PLOD2: variants seen among roughly 807,000 people sequenced by gnomAD.
PLOD2 encodes the protein procollagen-lysine,2-oxoglutarate 5-dioxygenase 2.
PLOD2 carries 65 observed loss-of-function variants against 101.0 expected under a neutral mutation model. The ratio of observed to expected loss-of-function variants is 0.64; its 90% CI spans 0.53 to 0.79. The LOEUF is 0.79. Ranked by LOEUF, PLOD2 falls within the 30% of genes least tolerant of loss-of-function variation. The pLI is 0.00. For missense variants in PLOD2, 909 were observed against 914.6 expected, an observed-to-expected ratio of 0.99 and a Z score of 0.08; for synonymous variants, 314 against 302.9, an observed-to-expected ratio of 1.04 and a Z score of -0.38.
rs183644336 is a variant in PLOD2 at position 146,071,258 on chromosome 3, G to C, written c.1995+19C>G. ...AAAAATGGGTAAGAAATAGGCTGGAGGGGTGAGAGGATAACTACCTTCGTA... is the reference window on the plus strand; with the variant it reads ...AAAAATGGGTAAGAAATAGGCTGGACGGGTGAGAGGATAACTACCTTCGTA... On this transcript the variant is annotated intron_variant, in intron 18 of 19. Transcript: ENST00000282903. 1.4e-4 allele frequency: 221 copies of C among 1,611,670 alleles called. No homozygotes were observed. In the African/African-American group the frequency reaches 2.4e-3, roughly 17 times the overall value.
chr3:146,084,632 A>G (rs943934432), intron 11 of PLOD2, among the ~76,000 whole-genome samples: 1 of 152,110 alleles, frequency 6.6e-6, no homozygotes, highest in African/African-American at 2.4e-5. Context: ...AAACAAACTT[A>G]GTATCATTGT....
At chr3:146,095,361 G>GA (rs139788808) in intron 7 of PLOD2, among the ~76,000 whole-genome samples, 5 of 145,140 alleles carry the variant, frequency 3.4e-5, no homozygotes, top group African/African-American at 1.0e-4. Context: ...AAATTTACAA[G>GA]AAAAAAAAAA....
At chr3:146,157,250 G>A (rs1416854821) in intron 1 of PLOD2, among the ~76,000 whole-genome samples, 3 of 152,174 alleles carry the variant, frequency 2.0e-5, no homozygotes, top group Non-Finnish European at 4.4e-5. Context: ...AAACAACAGT[G>A]TAGATACTGA....
chr3:146,158,990 T>TAC (rs1327244095), intron 1 of PLOD2, among the ~76,000 whole-genome samples: 22 of 152,184 alleles, frequency 1.4e-4, no homozygotes, highest in Non-Finnish European at 7.4e-5. Context: ...AGTTGAAACT[T>TAC]GTAAAGAATA....
intron 4 of PLOD2, among the ~76,000 whole-genome samples, chr3:146,107,216 T>C (rs1431317549): frequency 2.6e-5 from 4 of 152,244 alleles, no homozygotes; most frequent in East Asian, 1.9e-4. Context: ...TTATTGTGCC[T>C]GCTAAACCAT....
At chr3:146,129,421 G>C (rs2030772931) in intron 1 of PLOD2, among the ~76,000 whole-genome samples, 1 of 152,160 alleles carries the variant, frequency 6.6e-6, no homozygotes, top group South Asian at 2.1e-4. Flanking sequence ...TATCCATATA[G>C]TTGGCCATAT....
intron 1 of PLOD2, among the ~76,000 whole-genome samples, chr3:146,160,133 AG>A (rs1365372663): frequency 6.6e-6 from 1 of 152,252 alleles, no homozygotes; most frequent in Non-Finnish European, 1.5e-5. Context: ...GAAAACTCCA[AG>A]GATTTTTCAT....
intron 7 of PLOD2, among the ~76,000 whole-genome samples, chr3:146,098,500 G>A (rs1937279796): frequency 6.6e-6 from 1 of 151,808 alleles, no homozygotes; most frequent in Non-Finnish European, 1.5e-5. Flanking sequence ...TGAAAACAAA[G>A]GAAAATATAA....
At chr3:146,130,443 C>T (rs2030843309) in intron 1 of PLOD2, among the ~76,000 whole-genome samples, 1 of 152,082 alleles carries the variant, frequency 6.6e-6, no homozygotes, top group African/African-American at 2.4e-5. Flanking sequence ...TCTCTCTCTC[C>T]AATGAGACTG....
intron 1 of PLOD2, among the ~76,000 whole-genome samples, chr3:146,141,723 A>C (rs1197175546): frequency 1.3e-5 from 2 of 152,076 alleles, no homozygotes; most frequent in Non-Finnish European, 2.9e-5. Context: ...TCACTCAATA[A>C]ACATTTTTGG....
At chr3:146,084,050 C>T (rs182496136) in intron 11 of PLOD2, among the ~76,000 whole-genome samples, 1 of 152,004 alleles carries the variant, frequency 6.6e-6, no homozygotes, top group Admixed American at 6.6e-5. Context: ...ATGGGCATTA[C>T]ACACTATAGC....
At chr3:146,136,506 T>G (rs937359209) in intron 1 of PLOD2, among the ~76,000 whole-genome samples, 37 of 152,196 alleles carry the variant, frequency 2.4e-4, no homozygotes, top group African/African-American at 8.0e-4. Flanking sequence ...AATTTCATGT[T>G]GAGACTTGGG....
chr3:146,127,001 T>A (rs2030606866), intron 1 of PLOD2, among the ~76,000 whole-genome samples: 1 of 152,152 alleles, frequency 6.6e-6, no homozygotes, highest in Non-Finnish European at 1.5e-5. Context: ...TCCCTATAAT[T>A]ACTATTTTTC....
intron 1 of PLOD2, among the ~76,000 whole-genome samples, chr3:146,136,097 T>G (rs1345858626): frequency 6.6e-6 from 1 of 152,182 alleles, no homozygotes; most frequent in Non-Finnish European, 1.5e-5. Flanking sequence ...TATGACTTTT[T>G]AAAATCGGCC....
intron 1 of PLOD2, among the ~76,000 whole-genome samples, chr3:146,139,128 C>CGGT (rs1423071500): frequency 6.6e-6 from 1 of 151,980 alleles, no homozygotes; most frequent in Admixed American, 6.6e-5. Context: ...AGACAAGGAA[C>CGGT]GGTAGTAAAG....
intron 9 of PLOD2, among the ~76,000 whole-genome samples, chr3:146,087,388 C>A (rs945493653): frequency 6.6e-6 from 1 of 151,470 alleles, no homozygotes; most frequent in East Asian, 1.9e-4. Context: ...CCCTTTGAAA[C>A]CAGAGAGTAA....
intron 1 of PLOD2, among the ~76,000 whole-genome samples, chr3:146,153,019 G>C (rs1369943167): frequency 6.6e-6 from 1 of 152,206 alleles, no homozygotes; most frequent in Non-Finnish European, 1.5e-5. Context: ...AGAGGCCCTG[G>C]ACCAGCAGGG....
At chr3:146,158,706 C>T (rs1326937974) in intron 1 of PLOD2, among the ~76,000 whole-genome samples, 2 of 150,314 alleles carry the variant, frequency 1.3e-5, no homozygotes, top group African/African-American at 4.9e-5. Context: ...GGTTATACTA[C>T]TGGCATCTAG....
chr3:146,114,611 A>G (rs536903039), intron 3 of PLOD2, among the ~76,000 whole-genome samples: 82 of 152,332 alleles, frequency 5.4e-4, no homozygotes, highest in Non-Finnish European at 9.8e-4. Context: ...AGCATTCCTA[A>G]TAAGCCTCCC....
Sources: gnomAD v4.1 joint callset for allele counts (sites outside exome capture counted in the v4.1 genomes callset) on GRCh38, gnomAD v4.1.1 for gene constraint, MANE v1.5 for transcripts, NCBI Gene and HGNC (gene_info 2026-07-23, HGNC 2026-07-21) for gene names.